Variants in HCRTR2 observed in about 807,000 individuals in gnomAD.
HCRTR2 encodes the protein orexin receptor type 2.
Under a neutral mutation model 49.0 loss-of-function variants are expected in HCRTR2, and 22 were observed. That is an observed-to-expected ratio of 0.45 (90% CI 0.32 to 0.64). The LOEUF (loss-of-function observed/expected upper bound fraction) is 0.64, where lower values mean the gene tolerates loss of function less well. Ranked by LOEUF, HCRTR2 falls within the 30% of genes least tolerant of loss-of-function variation. The pLI is 0.04. For synonymous variants in HCRTR2, 236 were observed against 205.3 expected, an observed-to-expected ratio of 1.15 and a Z score of -1.28; for missense variants, 491 against 559.4, an observed-to-expected ratio of 0.88 and a Z score of 1.23.
intron 1 of HCRTR2, among the ~76,000 whole-genome samples, chr6:55,177,397 T>C (rs1765059787): frequency 6.6e-6 from 1 of 152,214 alleles, no homozygotes; most frequent in Non-Finnish European, 1.5e-5. Flanking sequence ...TCCTGCTCTT[T>C]GATGTCACTG....
chr6:55,124,304 G>A (rs1764243864), intron 1 of HCRTR2, among the ~76,000 whole-genome samples: 1 of 152,050 alleles, frequency 6.6e-6, no homozygotes, highest in Admixed American at 6.6e-5. Flanking sequence ...CAGAGATTCT[G>A]GTATGTTATG....
rs531089146 is a variant in HCRTR2, at chr6:55,133,562, A to G, written c.-378+27017A>G. The stretch of plus-strand genomic sequence containing the variant: ...CTTATTGATGACCTCACTAACATCA[A>G]TTTTCATGCCAGTATGGATATCTGT... On this transcript the variant is annotated intron_variant, in intron 1 of 7. Coordinates refer to the HCRTR2 transcript ENST00000615358. Among the ~76,000 whole-genome samples, 10 of 151,924 alleles carry G rather than the reference A, an allele frequency of 6.6e-5. No homozygotes were observed. In the South Asian group the frequency reaches 1.2e-3, roughly 19 times the overall value.
chr6:55,125,378 G>A (rs867184203), intron 1 of HCRTR2, among the ~76,000 whole-genome samples: 9 of 152,144 alleles, frequency 5.9e-5, no homozygotes, highest in South Asian at 4.1e-4. Context: ...TTGAAGCTTA[G>A]TTTGGCTGGA....
intron 2 of HCRTR2, among the ~76,000 whole-genome samples, chr6:55,250,717 T>G (rs529183403): frequency 2.0e-5 from 3 of 152,260 alleles, no homozygotes; most frequent in East Asian, 3.9e-4. Context: ...TTATAATCAC[T>G]TACAGTCCTC....
rs867597188 is a variant in HCRTR2 at position 55,253,886 on chromosome 6, G to C, written c.403-1250G>C. ...GCACTGGGGCCTTTCAGAGGGTAGA[G>C]GGTGGGAGAAGGGAGAGGATCAGGA... On this transcript the variant is annotated intron_variant, in intron 2 of 6. Coordinates refer to ENST00000370862, the MANE Select transcript of HCRTR2 (RefSeq NM_001384272.1). Among the ~76,000 whole-genome samples the C allele has an allele frequency of 3.9e-5, 6 of 152,244 alleles. No homozygotes were observed. In the South Asian group the frequency reaches 1.2e-3, roughly 32 times the overall value.
At chr6:55,195,295 A>G (rs1345785018) in intron 1 of HCRTR2, among the ~76,000 whole-genome samples, 1 of 152,218 alleles carries the variant, frequency 6.6e-6, no homozygotes, top group Non-Finnish European at 1.5e-5. Context: ...AAACAACTTG[A>G]GGACTGACAA....
At chr6:55,167,996 C>T (rs1247986066) in intron 1 of HCRTR2, among the ~76,000 whole-genome samples, 1 of 152,098 alleles carries the variant, frequency 6.6e-6, no homozygotes, top group East Asian at 1.9e-4. Context: ...GTTACATAAA[C>T]AAAGGCGGCA....
At chr6:55,169,120 C>A (rs1764915021) in intron 1 of HCRTR2, among the ~76,000 whole-genome samples, 1 of 151,532 alleles carries the variant, frequency 6.6e-6, no homozygotes, top group South Asian at 2.1e-4. Context: ...GCTTTACTGA[C>A]CAAAATTATT....
chr6:55,227,735 C>T (rs768769259), intron 1 of HCRTR2, among the ~76,000 whole-genome samples: 4 of 151,790 alleles, frequency 2.6e-5, no homozygotes, highest in East Asian at 1.9e-4. Context: ...TTATACTTGG[C>T]GGGGGGAAAG....
chr6:55,212,462 GT>G (rs34096505), intron 1 of HCRTR2, among the ~76,000 whole-genome samples: 1 of 152,128 alleles, frequency 6.6e-6, no homozygotes, highest in African/African-American at 2.4e-5. Flanking sequence ...ATTTCAGCAA[GT>G]TTTAGCCAAT....
At chr6:55,145,814 TCTTA>T (rs1213175317) in intron 1 of HCRTR2, among the ~76,000 whole-genome samples, 6 of 152,026 alleles carry the variant, frequency 3.9e-5, no homozygotes, top group African/African-American at 1.4e-4. Flanking sequence ...ATATAACACT[TCTTA>T]CTTATTTTTT....
chr6:55,108,630 G>A (rs1764007437), intron 1 of HCRTR2, among the ~76,000 whole-genome samples: 1 of 151,972 alleles, frequency 6.6e-6, no homozygotes, highest in African/African-American at 2.4e-5. Context: ...AGAAGCAGCA[G>A]CAGGAAGAGC....
intron 3 of HCRTR2, among the ~76,000 whole-genome samples, chr6:55,258,827 C>T (rs1373930647): frequency 9.2e-5 from 14 of 151,912 alleles, no homozygotes; most frequent in Admixed American, 7.9e-4. Context: ...CCGAGATGGG[C>T]GGATCATGAG....
chr6:55,266,547 T>C (rs566074732), intron 4 of HCRTR2, among the ~76,000 whole-genome samples: 6 of 152,306 alleles, frequency 3.9e-5, no homozygotes, highest in Admixed American at 2.0e-4. Context: ...TAGATTTAGA[T>C]TCAGATTTTG....
At chr6:55,183,409 C>T (rs937994863) in intron 1 of HCRTR2, among the ~76,000 whole-genome samples, 1 of 152,134 alleles carries the variant, frequency 6.6e-6, no homozygotes, top group South Asian at 2.1e-4. Context: ...AAGTGTTAGG[C>T]AATTGGGTAA....
At chr6:55,244,804 T>G (rs1766399644) in intron 1 of HCRTR2, among the ~76,000 whole-genome samples, 1 of 152,070 alleles carries the variant, frequency 6.6e-6, no homozygotes, top group African/African-American at 2.4e-5. Flanking sequence ...GTCTTACATT[T>G]AAGTCTTTAA....
intron 6 of HCRTR2, 95 bp downstream of exon 6, chr6:55,280,539 T>A: frequency 1.2e-5 from 18 of 1,546,834 alleles, no homozygotes; most frequent in Non-Finnish European, 1.5e-5. Context: ...TTAGTTGCTA[T>A]GTGAGTTGTA....
At chr6:55,268,222 A>C (rs1260845443) in intron 4 of HCRTR2, among the ~76,000 whole-genome samples, 1 of 152,180 alleles carries the variant, frequency 6.6e-6, no homozygotes, top group Non-Finnish European at 1.5e-5. Flanking sequence ...TAAAGTAACA[A>C]AAGAATTAAA....
At chr6:55,209,646 A>T (rs2127290755) in intron 1 of HCRTR2, among the ~76,000 whole-genome samples, 1 of 152,342 alleles carries the variant, frequency 6.6e-6, no homozygotes, top group South Asian at 2.1e-4. Flanking sequence ...GATTCTTCCC[A>T]ATGTATTATA....
Sources: gnomAD v4.1 joint callset for allele counts (sites outside exome capture counted in the v4.1 genomes callset) on GRCh38, gnomAD v4.1.1 for gene constraint, MANE v1.5 for transcripts, NCBI Gene and HGNC (gene_info 2026-07-23, HGNC 2026-07-21) for gene names.